Variants in SUPT3H observed in about 807,000 individuals in gnomAD.
SUPT3H encodes the protein transcription initiation protein SPT3 homolog.
In SUPT3H, 44 loss-of-function variants were observed where a neutral mutation model predicts 44.3. The ratio of observed to expected loss-of-function variants is 0.99; its 90% CI spans 0.78 to 1.28. The LOEUF (loss-of-function observed/expected upper bound fraction) is 1.28. SUPT3H is among the 50% of genes most tolerant of loss of function. SUPT3H has a pLI of 0.00. For missense variants in SUPT3H, 380 were observed against 387.1 expected (o/e 0.98, Z 0.15); for synonymous variants, 124 against 125.6 (o/e 0.99, Z 0.09).
intron 3 of SUPT3H, among the ~76,000 whole-genome samples, chr6:45,093,930 T>C (rs1362477324): frequency 6.6e-6 from 1 of 152,140 alleles, no homozygotes; most frequent in African/African-American, 2.4e-5. Context: ...ACATATTTAA[T>C]AGAGTAGTGA....
intron 1 of SUPT3H, among the ~76,000 whole-genome samples, chr6:45,376,265 A>C (rs1183535506): frequency 3.9e-5 from 6 of 152,226 alleles, no homozygotes; most frequent in Admixed American, 3.9e-4. Context: ...TTTGAATATA[A>C]TTACAATTCC....
intron 3 of SUPT3H, among the ~76,000 whole-genome samples, chr6:45,045,098 G>GA (rs983228908): frequency 6.6e-6 from 1 of 152,026 alleles, no homozygotes; most frequent in African/African-American, 2.4e-5. Context: ...AATGGCATCT[G>GA]AAAAAATACT....
chr6:45,045,232 A>G (rs1789191698), intron 3 of SUPT3H, among the ~76,000 whole-genome samples: 1 of 152,200 alleles, frequency 6.6e-6, no homozygotes, highest in Non-Finnish European at 1.5e-5. Flanking sequence ...CTAGAAGACC[A>G]TCAGTGGTCT....
chr6:45,282,230 T>A (rs1054754738), intron 2 of SUPT3H, among the ~76,000 whole-genome samples: 1 of 152,256 alleles, frequency 6.6e-6, no homozygotes, highest in South Asian at 2.1e-4. Flanking sequence ...AGAGCAAAGC[T>A]GGATGGAGAA....
At chr6:44,895,209 A>G (rs149864529) in intron 10 of SUPT3H, among the ~76,000 whole-genome samples, 1 of 150,924 alleles carries the variant, frequency 6.6e-6, no homozygotes, top group African/African-American at 2.4e-5. Context: ...ATCTATAACT[A>G]TATGGAATAA....
At chr6:44,972,233 C>T (rs1777682353) in intron 6 of SUPT3H, among the ~76,000 whole-genome samples, 1 of 152,122 alleles carries the variant, frequency 6.6e-6, no homozygotes, top group Admixed American at 6.5e-5. Flanking sequence ...ATTGGGTAAA[C>T]ATACCCATTC....
chr6:45,184,174 A>T (rs1426096476), intron 2 of SUPT3H, among the ~76,000 whole-genome samples: 17 of 152,036 alleles, frequency 1.1e-4, no homozygotes, highest in South Asian at 2.1e-4. Flanking sequence ...AAAACTTCTT[A>T]AAAAAAAGTC....
chr6:45,335,732 C>T (rs957951261), intron 2 of SUPT3H, among the ~76,000 whole-genome samples: 10 of 151,118 alleles, frequency 6.6e-5, no homozygotes, highest in Admixed American at 4.0e-4. Context: ...TATTAAGACA[C>T]CATGAAGTAA....
intron 2 of SUPT3H, among the ~76,000 whole-genome samples, chr6:45,277,149 G>A (rs1278432289): frequency 3.3e-5 from 5 of 151,950 alleles, no homozygotes; most frequent in African/African-American, 1.2e-4. Context: ...TTCATTTTGG[G>A]ACTCTCCATT....
chr6:45,013,039 A>C (rs1562258351), intron 5 of SUPT3H, among the ~76,000 whole-genome samples: 1 of 152,034 alleles, frequency 6.6e-6, no homozygotes, highest in Non-Finnish European at 1.5e-5. Context: ...CTGTTATCAC[A>C]TACAGCTGTT....
At chr6:44,860,113 G>A (rs1032264739) in intron 10 of SUPT3H, among the ~76,000 whole-genome samples, 2 of 152,166 alleles carry the variant, frequency 1.3e-5, no homozygotes, top group Non-Finnish European at 2.9e-5. Flanking sequence ...TAAGTGGGCT[G>A]TCCCAAGGCT....
At chr6:45,158,299 T>TATATATATATATATATATAA (rs1491302388) in intron 2 of SUPT3H, among the ~76,000 whole-genome samples, 45 of 13,356 alleles carry the variant, frequency 3.4e-3, no homozygotes, top group South Asian at 9.3e-3. Context: ...TATATATATA[T>TATATATATATATATATATAA]TTTTTTTTTT....
intron 2 of SUPT3H, among the ~76,000 whole-genome samples, chr6:45,329,619 C>T (rs994036257): frequency 2.6e-5 from 4 of 151,852 alleles, no homozygotes; most frequent in Non-Finnish European, 4.4e-5. Context: ...AAATGAATAA[C>T]TGCTGTTTAG....
chr6:45,135,210 T>C (rs755434319), intron 2 of SUPT3H, among the ~76,000 whole-genome samples: 4 of 152,156 alleles, frequency 2.6e-5, no homozygotes, highest in Admixed American at 6.5e-5. Context: ...CTCAGAGTCT[T>C]AGCTTGCCTC....
chr6:45,205,420 A>G (rs943755044), intron 2 of SUPT3H, among the ~76,000 whole-genome samples: 5 of 152,184 alleles, frequency 3.3e-5, no homozygotes, highest in Non-Finnish European at 5.9e-5. Flanking sequence ...CCACAATTAC[A>G]TAATATAAAA....
chr6:45,056,339 C>T (rs1464410589), intron 3 of SUPT3H, among the ~76,000 whole-genome samples: 1 of 152,066 alleles, frequency 6.6e-6, no homozygotes, highest in Non-Finnish European at 1.5e-5. Context: ...GGTATCTACC[C>T]AGAGGAAAAT....
intron 6 of SUPT3H, among the ~76,000 whole-genome samples, chr6:44,971,101 T>C (rs948711058): frequency 6.6e-6 from 1 of 152,210 alleles, no homozygotes; most frequent in Non-Finnish European, 1.5e-5. Context: ...TACTATGTGA[T>C]TTATCTTAGT....
chr6:45,306,373 G>GATTCACACTATTGGCCACTGAGC (rs1366561301), intron 2 of SUPT3H, among the ~76,000 whole-genome samples: 2 of 152,126 alleles, frequency 1.3e-5, no homozygotes, highest in African/African-American at 4.8e-5. Flanking sequence ...AGCCACTGAG[G>GATTCACACTATTGGCCACTGAGC]ATTCACACTA....
At chr6:45,024,904 G>A (rs2153520486) in intron 3 of SUPT3H, among the ~76,000 whole-genome samples, 1 of 152,210 alleles carries the variant, frequency 6.6e-6, no homozygotes, top group Middle Eastern at 3.4e-3. Context: ...TCTGGCCTTT[G>A]GTCTCAGACT....
Sources: allele counts gnomAD v4.1 joint callset (sites outside exome capture counted in the v4.1 genomes callset), GRCh38; gene constraint gnomAD v4.1.1; transcripts MANE v1.5; gene names NCBI Gene and HGNC (gene_info 2026-07-23, HGNC 2026-07-21).